The following DNASE2 variants were observed in gnomAD, a reference collection of about 807,000 sequenced individuals.
The protein encoded by DNASE2 is deoxyribonuclease 2, lysosomal.
Under a neutral mutation model 29.8 loss-of-function variants are expected in DNASE2, and 26 were observed. The observed-to-expected ratio is 0.87, with a 90% CI of 0.64 to 1.21. DNASE2 has a LOEUF of 1.21. DNASE2 is among the 50% of genes most tolerant of loss of function. DNASE2 has a pLI of 0.00. For missense variants in DNASE2, 415 were observed against 455.6 expected, an observed-to-expected ratio of 0.91 and a Z score of 0.81; for synonymous variants, 186 against 193.5, an observed-to-expected ratio of 0.96 and a Z score of 0.32.
Position 12,880,846 on chromosome 19 carries a change from T to A in DNASE2, c.302A>T (p.Gln101Leu), listed in dbSNP as rs759829666. The A allele has an allele frequency of 4.3e-6, 7 of 1,614,054 alleles. No individual in the cohort carries two copies. ...AFLLYNDQPP[Q>L]PSKAQDSSMR... ...GGAAGAGTCCTGAGCCTTGCTGGGT[T>A]GAGGCGGTTGGTCATTGTAGAGCAG... is the stretch of plus-strand genomic sequence containing the variant. The change falls in exon 3 of 6, where the codon CAA (glutamine) becomes CTA (leucine). Residue 101 changes from glutamine (Q) to leucine (L), a missense_variant. Physicochemically the swap from Gln to Leu is moderately radical, Grantham distance 113. Coordinates refer to ENST00000222219, the MANE Select transcript of DNASE2 (RefSeq NM_001375.3).
Position 12,878,837 on chromosome 19 carries a change from G to A in DNASE2, c.347-3C>T. 1 of 1,611,852 alleles carries A rather than the reference G, an allele frequency of 6.2e-7. No individual in the cohort carries two copies. The highest frequency in any genetic ancestry group is 8.5e-7 in the Non-Finnish European group (1 of 1,179,388). ...ATCGTGGTCAAGGAGCAGGACACCT[G>A]GACCAAAAGAAGGCATTAGGGGAGG... is the stretch of plus-strand genomic sequence containing the variant. On this transcript the variant is annotated splice_region_variant and splice_polypyrimidine_tract_variant and intron_variant, in intron 3 of 5. Transcript: ENST00000222219.
rs919076523 is a variant in DNASE2 at position 12,875,529 on chromosome 19, C to T, written c.*461G>A. 4.1e-5 allele frequency: 7 copies of T among 172,346 alleles called. No homozygotes were observed. Among genetic ancestry groups the T allele is most frequent in the Admixed American group, 2.8e-4 (5 of 18,020 alleles). 10.7% of individuals were successfully genotyped at this position (172,346 alleles called of 1,614,324 possible). ...GCCTCAGCCTCCCGAGGAGCTAGGACCACAGACGCGTGCCACCATGTCTGG... is the reference window on the plus strand; with the variant it reads ...GCCTCAGCCTCCCGAGGAGCTAGGATCACAGACGCGTGCCACCATGTCTGG... On this transcript the variant is annotated 3_prime_UTR_variant, in exon 6 of 6. Transcript: ENST00000222219.
Position 12,881,147 on chromosome 19 carries a change from A to T in DNASE2, c.92T>A (p.Val31Glu). 2 of 1,611,776 alleles carry T rather than the reference A, an allele frequency of 1.2e-6. No individual in the cohort carries two copies. The highest frequency in any genetic ancestry group is 1.7e-6 in the Non-Finnish European group (2 of 1,179,978). Residue 31 changes from valine (V) to glutamate (E), a missense_variant, in exon 2 of 6, where the codon GTG becomes GAG. Val to Glu is a moderately radical substitution (Grantham distance 121). Transcript: ENST00000222219. ...GDSGQPVDWFVVYKLPALRGS... is the reference protein window; with the variant it reads ...GDSGQPVDWFEVYKLPALRGS... Reference sequence around the variant, plus strand: ...TCTAAGAGCTGGCAGCTTGTAGACCACGAACCTGGAGGTCGGAGAATGCAC... The same window carrying T: ...TCTAAGAGCTGGCAGCTTGTAGACCTCGAACCTGGAGGTCGGAGAATGCAC...
chr19:12,876,895 A>T (rs1207141167), intron 5 of DNASE2, among the ~76,000 whole-genome samples: 3 of 147,160 alleles, frequency 2.0e-5, no homozygotes, highest in African/African-American at 5.0e-5. Flanking sequence ...TAATCTCGGC[A>T]CACTGCAACC....
chr19:12,880,941 T>C, intron 2 of DNASE2, 31 bp downstream of exon 2: 1 of 1,614,204 alleles, frequency 6.2e-7, no homozygotes, highest in Non-Finnish European at 8.5e-7. Context: ...CCCTAGAGTT[T>C]CGCCCCTAGT....
chr19:12,878,869 G>A (rs552462950), intron 3 of DNASE2, 35 bp from the exon 4 acceptor site: 12 of 1,595,568 alleles, frequency 7.5e-6, no homozygotes, highest in South Asian at 4.5e-5. Context: ...GAGGTCGGGC[G>A]CAGTGGCTCA....
Position 12,878,765 on chromosome 19 carries a change from GC to G in DNASE2, c.415del (p.Ala139ProfsTer36). 1 of 1,614,092 alleles carries G rather than the reference GC, an allele frequency of 6.2e-7. No homozygotes were observed. Among genetic ancestry groups the G allele is most frequent in the Non-Finnish European group, 8.5e-7 (1 of 1,180,016 alleles). On this transcript the variant is annotated frameshift_variant, in exon 4 of 6. Coordinates refer to ENST00000222219, the MANE Select transcript of DNASE2 (RefSeq NM_001375.3). LOFTEE classifies it high-confidence loss of function. ...AGGCCAGCTGTATGCAGCAGAGGAGGCCGGTGGAGGGAAGTTAGGTACACTG... is the reference window on the plus strand; with the variant it reads ...AGGCCAGCTGTATGCAGCAGAGGAGGCGGTGGAGGGAAGTTAGGTACACTG... ...VHSVPNFPPP[A>X]SSAAYSWPHS...
At chr19:12,880,508 A>G (rs1970367416) in intron 3 of DNASE2, among the ~76,000 whole-genome samples, 1 of 151,858 alleles carries the variant, frequency 6.6e-6, no homozygotes, top group Admixed American at 6.6e-5. Flanking sequence ...AAATATGAAA[A>G]TTAGCCTGGT....
intron 3 of DNASE2, 140 bp from the exon 4 acceptor site, chr19:12,878,974 C>A (rs1175471762): frequency 9.2e-7 from 1 of 1,091,878 alleles, no homozygotes; most frequent in Non-Finnish European, 1.3e-6. Context: ...GAAACCCCAT[C>A]TCTACTAAAA....
chr19:12,879,484 CAA>C (rs35693082), intron 3 of DNASE2, among the ~76,000 whole-genome samples: 3 of 71,164 alleles, frequency 4.2e-5, no homozygotes, highest in Non-Finnish European at 8.4e-5. Context: ...AACTCCTTCT[CAA>C]AAAAAAAAAA....
chr19:12,878,980 T>C, intron 3 of DNASE2, 146 bp from the exon 4 acceptor site: 1 of 1,033,274 alleles, frequency 9.7e-7, no homozygotes, highest in Admixed American at 2.1e-5. Context: ...CCATCTCTAC[T>C]AAAAATACAA....
At chr19:12,876,404 A>C in intron 5 of DNASE2, 41 bp from the exon 6 acceptor site, 1 of 1,600,206 alleles carries the variant, frequency 6.2e-7, no homozygotes. Flanking sequence ...GGTCAGGGCC[A>C]CTGCGAGGGA....
Position 12,875,751 on chromosome 19 carries a change from G to A in DNASE2, c.*239C>T, listed in dbSNP as rs147116968. 1.7e-4 allele frequency: 72 copies of A among 424,292 alleles called. No homozygotes were observed. In the East Asian group the frequency reaches 2.7e-3, roughly 16 times the overall value. The allele number at this position is 424,292 out of a possible 1,614,324, so 26.3% of individuals were successfully genotyped here. A position where few individuals can be genotyped will look rare whatever the true frequency, so the allele number is the denominator to read the frequency against. ...GTCTTGCTATGTGACCCAGGTTGGC[G>A]TAATCATAGTTCACTGTGACCATGA... On this transcript the variant is annotated 3_prime_UTR_variant, in exon 6 of 6. Coordinates refer to ENST00000222219, the MANE Select transcript of DNASE2 (RefSeq NM_001375.3).
At chr19:12,878,968 C>A in intron 3 of DNASE2, 134 bp from the exon 4 acceptor site, 1 of 1,122,506 alleles carries the variant, frequency 8.9e-7, no homozygotes. Context: ...CATGGCGAAA[C>A]CCCATCTCTA....
Position 12,875,833 on chromosome 19 carries a change from A to G in DNASE2, c.*157T>C. On this transcript the variant is annotated 3_prime_UTR_variant, in exon 6 of 6. Coordinates refer to ENST00000222219, the MANE Select transcript of DNASE2 (RefSeq NM_001375.3). ...GTGGCTGGGACTACAGGCATTTATC[A>G]CCGTGCCTGGCTAACTTTTTTTAAG... 2 of 841,062 alleles carry G rather than the reference A, an allele frequency of 2.4e-6. No homozygotes were observed. Among genetic ancestry groups the G allele is most frequent in the East Asian group, 2.7e-5 (1 of 37,582 alleles). 52.1% of individuals were successfully genotyped at this position (841,062 alleles called of 1,614,324 possible).
chr19:12,881,006 C>G lies in DNASE2; in HGVS notation c.233G>C (p.Ser78Thr), dbSNP rs1364952407. The G allele has an allele frequency of 1.6e-5, 26 of 1,613,910 alleles. No homozygotes were observed. The highest frequency in any genetic ancestry group is 2.2e-5 in the Non-Finnish European group (26 of 1,180,022). ...INSPEGAVGR[S>T]LQPLYRSNTS... Reference sequence around the variant, plus strand: ...GTTGCTCCGGTACAGCGGCTGCAGGCTTCGGCCCACGGCCCCCTCCGGGCT... The same window carrying G: ...GTTGCTCCGGTACAGCGGCTGCAGGGTTCGGCCCACGGCCCCCTCCGGGCT... The change falls in exon 2 of 6, where the codon AGC becomes ACC. Residue 78 changes from serine to threonine, a missense_variant. By Grantham distance (58) the Ser-to-Thr change is moderately conservative (BLOSUM62 1). Coordinates refer to ENST00000222219, the MANE Select transcript of DNASE2 (RefSeq NM_001375.3).
chr19:12,878,232 C>T (rs1970340998), intron 5 of DNASE2, 150 bp downstream of exon 5: 1 of 996,228 alleles, frequency 1.0e-6, no homozygotes, highest in Admixed American at 2.0e-5. Flanking sequence ...CAGCAAAACC[C>T]AGGGTTTGAA....
chr19:12,875,888 G>T lies in DNASE2; in HGVS notation c.*102C>A. On this transcript the variant is annotated 3_prime_UTR_variant, in exon 6 of 6. Transcript: ENST00000222219. Reference sequence around the variant, plus strand: ...AGTAGAGATGTGGTCTCACTATGTAGCCCAGGCTGGTCTCGAATTCCTGAG... The same window carrying T: ...AGTAGAGATGTGGTCTCACTATGTATCCCAGGCTGGTCTCGAATTCCTGAG... 2 of 1,486,010 alleles carry T rather than the reference G, an allele frequency of 1.3e-6. No homozygotes were observed. Among genetic ancestry groups the T allele is most frequent in the Non-Finnish European group, 1.8e-6 (2 of 1,088,908 alleles). The allele number at this position is 1,486,010 out of a possible 1,614,324, so 92.1% of individuals were successfully genotyped here. A position where few individuals can be genotyped will look rare whatever the true frequency, so the allele number is the denominator to read the frequency against.
intron 3 of DNASE2, among the ~76,000 whole-genome samples, chr19:12,880,475 T>C (rs1287782791): frequency 6.6e-6 from 1 of 151,942 alleles, no homozygotes; most frequent in African/African-American, 2.4e-5. Context: ...CTGGCCAACA[T>C]GGTGAAACCT....
Sources: allele counts gnomAD v4.1 joint callset (sites outside exome capture counted in the v4.1 genomes callset), GRCh38; gene constraint gnomAD v4.1.1; transcripts MANE v1.5; gene names NCBI Gene and HGNC (gene_info 2026-07-23, HGNC 2026-07-21).